GARRE1: variants seen among roughly 807,000 people sequenced by gnomAD.
GARRE1 encodes the protein granule associated Rac and RHOG effector 1.
GARRE1 carries 49 observed loss-of-function variants against 103.2 expected under a neutral mutation model. The ratio of observed to expected loss-of-function variants is 0.47; its 90% CI spans 0.38 to 0.60. The LOEUF (loss-of-function observed/expected upper bound fraction) is 0.60, where lower values mean the gene tolerates loss of function less well. GARRE1 is among the 20% of genes least tolerant of loss of function. GARRE1 has a pLI of 0.00. For synonymous variants in GARRE1, 505 were observed against 532.8 expected, an observed-to-expected ratio of 0.95 and a Z score of 0.72; for missense variants, 1,199 against 1,370.5, an observed-to-expected ratio of 0.87 and a Z score of 1.98.
Position 34,352,797 on chromosome 19 carries a change from G to A in GARRE1, c.3055G>A (p.Val1019Met). 6.2e-7 allele frequency: 1 copy of A among 1,614,066 alleles called. No homozygotes were observed. The highest frequency in any genetic ancestry group is 8.5e-7 in the Non-Finnish European group (1 of 1,180,014). Residue 1019 changes from valine (V) to methionine (M), a missense_variant, in exon 14 of 14, where the codon GTG becomes ATG. Transcript: ENST00000299505. Reference protein sequence around the residue: ...NDTMQMLQSPVWAATNDCSAA... With the variant: ...NDTMQMLQSPMWAATNDCSAA... Reference sequence around the variant, plus strand: ...CACCATGCAGATGCTGCAGTCCCCAGTGTGGGCCGCAACCAACGACTGCAG... The same window carrying A: ...CACCATGCAGATGCTGCAGTCCCCAATGTGGGCCGCAACCAACGACTGCAG...
chr19:34,258,997 G>A (rs370938731), intron 1 of GARRE1, among the ~76,000 whole-genome samples: 1 of 152,016 alleles, frequency 6.6e-6, no homozygotes, highest in East Asian at 1.9e-4. Flanking sequence ...ATCAGCCTAG[G>A]CAACATAGTG....
At chr19:34,311,623 CCT>C (rs1398532336) in intron 2 of GARRE1, among the ~76,000 whole-genome samples, 1 of 151,992 alleles carries the variant, frequency 6.6e-6, no homozygotes, top group Non-Finnish European at 1.5e-5. Context: ...TCTTTTCCCC[CCT>C]CTGAGATGTA....
intron 3 of GARRE1, among the ~76,000 whole-genome samples, chr19:34,326,883 G>A (rs531534585): frequency 4.6e-5 from 7 of 152,074 alleles, no homozygotes; most frequent in South Asian, 2.1e-4. Flanking sequence ...GGCCGGGCTC[G>A]GTGGCTCAAG....
rs753240642 is a variant in GARRE1, at chr19:34,341,715, T to C, written c.1781T>C (p.Ile594Thr). ...IDTRLQSILNIGNFPRTTDPS... is the reference protein window; with the variant it reads ...IDTRLQSILNTGNFPRTTDPS... ...ACAAGGTTACAAAGCATTTTGAACATTGGTAATTTCCCCAGGACTACAGAC... is the reference window on the plus strand; with the variant it reads ...ACAAGGTTACAAAGCATTTTGAACACTGGTAATTTCCCCAGGACTACAGAC... Residue 594 changes from isoleucine (I) to threonine (T), a missense_variant, in exon 10 of 14, where the codon ATT becomes ACT. Coordinates refer to ENST00000299505, the MANE Select transcript of GARRE1 (RefSeq NM_014686.5). 8.1e-6 allele frequency: 13 copies of C among 1,614,122 alleles called. No homozygotes were observed. The highest frequency in any genetic ancestry group is 2.2e-5 in the East Asian group (1 of 44,902).
At chr19:34,342,696 G>A (rs574018374) in intron 10 of GARRE1, among the ~76,000 whole-genome samples, 25 of 152,176 alleles carry the variant, frequency 1.6e-4, no homozygotes, top group Non-Finnish European at 3.1e-4. Flanking sequence ...ACAGAACTGA[G>A]GCTAAGAGAG....
intron 2 of GARRE1, 135 bp from the exon 3 acceptor site, chr19:34,319,772 G>A: frequency 1.3e-6 from 1 of 742,598 alleles, no homozygotes; most frequent in South Asian, 1.7e-5. Flanking sequence ...CTGAAGCATG[G>A]TGGCCTTTTA....
Position 34,355,124 on chromosome 19 carries a change from G to C in GARRE1, c.*2169G>C, listed in dbSNP as rs2074264982. 1 of 152,636 alleles carries C rather than the reference G, an allele frequency of 6.6e-6. No individual in the cohort carries two copies. The highest frequency in any genetic ancestry group is 2.4e-5 in the African/African-American group (1 of 41,458). The allele number at this position is 152,636 out of a possible 1,614,324, so 9.5% of individuals were successfully genotyped here. Reference sequence around the variant, plus strand: ...ATACTGAAGTACTCATGTTTTAATAGTGCCTCTCCAAAGGCCTCACCTTGG... The same window carrying C: ...ATACTGAAGTACTCATGTTTTAATACTGCCTCTCCAAAGGCCTCACCTTGG... On this transcript the variant is annotated 3_prime_UTR_variant, in exon 14 of 14. Transcript: ENST00000299505.
chr19:34,269,632 A>G (rs989768930), intron 1 of GARRE1, among the ~76,000 whole-genome samples: 2 of 152,222 alleles, frequency 1.3e-5, no homozygotes, highest in East Asian at 3.9e-4. Context: ...GCATGATCAT[A>G]GCTCACTGCA....
chr19:34,311,189 A>G (rs2074034604), intron 2 of GARRE1, among the ~76,000 whole-genome samples: 1 of 151,948 alleles, frequency 6.6e-6, no homozygotes, highest in Non-Finnish European at 1.5e-5. Flanking sequence ...TTGGGGTTCC[A>G]TTACATTGCC....
chr19:34,294,042 G>T (rs1045380836), intron 1 of GARRE1, among the ~76,000 whole-genome samples: 1 of 151,878 alleles, frequency 6.6e-6, no homozygotes, highest in Non-Finnish European at 1.5e-5. Context: ...GATTACAGGT[G>T]TCAGCCACTG....
chr19:34,338,616 T>C (rs953916115), intron 8 of GARRE1, among the ~76,000 whole-genome samples: 1 of 152,034 alleles, frequency 6.6e-6, no homozygotes, highest in Non-Finnish European at 1.5e-5. Flanking sequence ...CAGTTGGCCA[T>C]ACCAAAATCT....
At chr19:34,282,535 A>C (rs957560047) in intron 1 of GARRE1, among the ~76,000 whole-genome samples, 4 of 152,180 alleles carry the variant, frequency 2.6e-5, no homozygotes, top group Admixed American at 6.5e-5. Flanking sequence ...CTGGGACCTA[A>C]AATATGTATT....
At position 34,342,368 on chromosome 19, in the gene GARRE1, G is replaced by A; in HGVS notation, c.2434G>A (p.Gly812Arg). The change falls in exon 10 of 14, where the codon GGA becomes AGA. Residue 812 changes from glycine to arginine, a missense_variant. Gly to Arg is a moderately radical substitution (Grantham distance 125). Coordinates refer to ENST00000299505, the MANE Select transcript of GARRE1 (RefSeq NM_014686.5). ...AGAGGTTCTGGGACAGAAGCCGCAG[G>A]GACCTAGAAATAACACCTGGCCCAA... ...MSEVLGQKPQGPRNNTWPNRD... is the reference protein window; with the variant it reads ...MSEVLGQKPQRPRNNTWPNRD... The A allele has an allele frequency of 7.4e-6, 12 of 1,614,144 alleles. No individual in the cohort carries two copies. The highest frequency in any genetic ancestry group is 1.0e-5 in the Non-Finnish European group (12 of 1,180,026).
At position 34,300,340 on chromosome 19, in the gene GARRE1, C is replaced by G. The variant is rs939378968; in HGVS notation, c.-134C>G. ...CCTCTACATTGGATCACATGGTCAC[C>G]TGCCTCATGGAAATGCCTTTTTTAA... On this transcript the variant is annotated 5_prime_UTR_variant, in exon 2 of 14. Transcript: ENST00000299505. 4 of 956,776 alleles carry G rather than the reference C, an allele frequency of 4.2e-6. No individual in the cohort carries two copies. The Admixed American group carries it at 7.5e-5, about 18-fold the overall frequency. The allele number at this position is 956,776 out of a possible 1,614,324, so 59.3% of individuals were successfully genotyped here. A position where few individuals can be genotyped will look rare whatever the true frequency, so the allele number is the denominator to read the frequency against.
chr19:34,347,515 C>T (rs2074217441), intron 10 of GARRE1, among the ~76,000 whole-genome samples: 1 of 152,216 alleles, frequency 6.6e-6, no homozygotes, highest in South Asian at 2.1e-4. Context: ...GAGTGAGCCA[C>T]TGTGCCTGGC....
rs1187288658 is a variant in GARRE1 at position 34,254,624 on chromosome 19, G to A, written c.-796+10G>A. 2 of 148,246 alleles carry A rather than the reference G, an allele frequency of 1.3e-5. No homozygotes were observed. The highest frequency in any genetic ancestry group is 4.9e-5 in the African/African-American group (2 of 40,622). The allele number at this position is 148,246 out of a possible 1,614,324, so 9.2% of individuals were successfully genotyped here. Reference sequence around the variant, plus strand: ...CCGGGGCGCGTCGCAGGTGAGGAGCGGGCGCGGCGGGCGCAGGCGGGGGCT... The same window carrying A: ...CCGGGGCGCGTCGCAGGTGAGGAGCAGGCGCGGCGGGCGCAGGCGGGGGCT... On this transcript the variant is annotated intron_variant, in intron 1 of 13. Coordinates refer to ENST00000299505, the MANE Select transcript of GARRE1 (RefSeq NM_014686.5).
At chr19:34,329,561 C>A (rs1003495613) in intron 6 of GARRE1, among the ~76,000 whole-genome samples, 3 of 152,060 alleles carry the variant, frequency 2.0e-5, no homozygotes, top group African/African-American at 7.2e-5. Context: ...TTGAGCCAGG[C>A]GTGGTGGCTC....
intron 3 of GARRE1, among the ~76,000 whole-genome samples, chr19:34,326,276 C>T (rs2074111437): frequency 6.6e-6 from 1 of 152,202 alleles, no homozygotes; most frequent in Non-Finnish European, 1.5e-5. Context: ...CTGTAGTCTG[C>T]AAGTTTTGTA....
chr19:34,336,234 C>T (rs932764284), intron 8 of GARRE1, among the ~76,000 whole-genome samples: 2 of 151,756 alleles, frequency 1.3e-5, no homozygotes, highest in Non-Finnish European at 2.9e-5. Context: ...CAAGCGATCC[C>T]CCTGCCTTGG....
Sources: allele counts gnomAD v4.1 joint callset (sites outside exome capture counted in the v4.1 genomes callset), GRCh38; gene constraint gnomAD v4.1.1; transcripts MANE v1.5; gene names NCBI Gene and HGNC (gene_info 2026-07-23, HGNC 2026-07-21).